Variants in OPA1 observed in about 807,000 individuals in gnomAD.
The protein encoded by OPA1 is dynamin-like GTPase OPA1, mitochondrial.
In OPA1, 59 loss-of-function variants were observed where a neutral mutation model predicts 152.9. That is an observed-to-expected ratio of 0.39 (90% CI 0.31 to 0.48). The LOEUF (loss-of-function observed/expected upper bound fraction) is 0.48. Among genes scored for constraint, OPA1 ranks in the 20% least tolerant of loss-of-function variants. OPA1 has a pLI of 0.96. For synonymous variants in OPA1, 400 were observed against 389.9 expected (o/e 1.03, Z -0.31); for missense variants, 1,008 against 1,216.8 (o/e 0.83, Z 2.55).
At chr3:193,601,402 A>T (rs1382093409) in intron 1 of OPA1, among the ~76,000 whole-genome samples, 1 of 152,194 alleles carries the variant, frequency 6.6e-6, no homozygotes, top group Admixed American at 6.5e-5. Context: ...CAAGAACCAA[A>T]CCAACCAAGG....
intron 29 of OPA1, among the ~76,000 whole-genome samples, chr3:193,683,094 G>A (rs1720415350): frequency 6.6e-6 from 1 of 152,138 alleles, no homozygotes; most frequent in Admixed American, 6.5e-5. Flanking sequence ...CAGTTTGGAA[G>A]AAGTTGATTC....
intron 29 of OPA1, among the ~76,000 whole-genome samples, chr3:193,684,156 A>T (rs1720596125): frequency 6.6e-6 from 1 of 152,170 alleles, no homozygotes; most frequent in African/African-American, 2.4e-5. Context: ...TCTAATGGCT[A>T]CACATAATCA....
At chr3:193,679,912 G>A (rs898533877) in intron 29 of OPA1, among the ~76,000 whole-genome samples, 1 of 152,188 alleles carries the variant, frequency 6.6e-6, no homozygotes, top group Non-Finnish European at 1.5e-5. Context: ...TAGTTTAGAA[G>A]TTATTTTTAT....
chr3:193,599,365 G>T (rs1445888474), intron 1 of OPA1, among the ~76,000 whole-genome samples: 1 of 150,454 alleles, frequency 6.6e-6, no homozygotes, highest in Non-Finnish European at 1.5e-5. Flanking sequence ...CCCTTTCATT[G>T]TCTCAGCTCT....
At chr3:193,596,642 A>G (rs1204331234) in intron 1 of OPA1, among the ~76,000 whole-genome samples, 1 of 152,156 alleles carries the variant, frequency 6.6e-6, no homozygotes, top group African/African-American at 2.4e-5. Flanking sequence ...TCTTAAAGAC[A>G]TGTTTAATTC....
chr3:193,626,342 T>G, intron 7 of OPA1, 140 bp downstream of exon 7: 4 of 672,214 alleles, frequency 6.0e-6, no homozygotes, highest in Non-Finnish European at 2.7e-6. Context: ...AGATGCATCA[T>G]ATAAATATGT....
rs765605983 is a variant in OPA1, at chr3:193,666,352, C to A, written c.2835C>A (p.Thr945=). 1.2e-5 allele frequency: 20 copies of A among 1,613,936 alleles called. No homozygotes were observed. Among genetic ancestry groups the A allele is most frequent in the African/African-American group, 2.7e-5 (2 of 74,904 alleles). ...GTATACAGCGCATGCTTGCTATCAC[C>A]GCAAATACTTTAAGGCAACAACTTA... ...FWRIQRMLAI[T]ANTLRQQLTN... Residue 945 remains threonine, a synonymous_variant, in exon 28 of 31, where the codon ACC becomes ACA. Transcript: ENST00000361510.
At chr3:193,599,748 A>G (rs1726176307) in intron 1 of OPA1, among the ~76,000 whole-genome samples, 1 of 152,246 alleles carries the variant, frequency 6.6e-6, no homozygotes, top group African/African-American at 2.4e-5. Flanking sequence ...ACTTCAGACA[A>G]GTTAAATTTG....
chr3:193,625,275 G>C (rs1459333495), intron 6 of OPA1, among the ~76,000 whole-genome samples: 2 of 151,930 alleles, frequency 1.3e-5, no homozygotes, highest in Non-Finnish European at 2.9e-5. Context: ...GTGATTTTTT[G>C]TGCATAGGTC....
intron 11 of OPA1, among the ~76,000 whole-genome samples, chr3:193,639,281 A>G (rs1733402188): frequency 1.3e-5 from 2 of 152,246 alleles, no homozygotes; most frequent in Non-Finnish European, 2.9e-5. Flanking sequence ...AGGGAGACAG[A>G]TAATAGATAA....
intron 25 of OPA1, among the ~76,000 whole-genome samples, chr3:193,661,316 G>A (rs1307497128): frequency 1.3e-5 from 2 of 152,140 alleles, no homozygotes; most frequent in African/African-American, 2.4e-5. Context: ...GAAGGGAGGG[G>A]CATCTGAATC....
intron 22 of OPA1, among the ~76,000 whole-genome samples, chr3:193,656,369 G>A (rs1713819729): frequency 6.6e-6 from 1 of 152,146 alleles, no homozygotes; most frequent in Admixed American, 6.5e-5. Flanking sequence ...TAAAATGAGA[G>A]AGGGCTAAAA....
chr3:193,632,130 ATTACT>A (rs1390740000), intron 8 of OPA1, among the ~76,000 whole-genome samples: 1 of 152,224 alleles, frequency 6.6e-6, no homozygotes, highest in Admixed American at 6.5e-5. Flanking sequence ...TGATAAAATT[ATTACT>A]TTAAGGACCT....
intron 9 of OPA1, among the ~76,000 whole-genome samples, chr3:193,635,812 A>C (rs1158849265): frequency 6.6e-6 from 1 of 152,196 alleles, no homozygotes; most frequent in African/African-American, 2.4e-5. Flanking sequence ...TAACTTTTAC[A>C]TAAAATTTTA....
intron 29 of OPA1, among the ~76,000 whole-genome samples, chr3:193,691,199 C>T (rs780333402): frequency 2.0e-5 from 3 of 152,106 alleles, no homozygotes; most frequent in African/African-American, 7.2e-5. Context: ...CCAACCTGGG[C>T]GACAGAGTAG....
chr3:193,597,915 A>G (rs1462959372), intron 1 of OPA1, among the ~76,000 whole-genome samples: 4 of 151,968 alleles, frequency 2.6e-5, no homozygotes, highest in Non-Finnish European at 5.9e-5. Flanking sequence ...TGTCTCTACT[A>G]AAATTCAAAA....
chr3:193,653,553 T>A (rs1713052178), intron 21 of OPA1, among the ~76,000 whole-genome samples: 2 of 152,204 alleles, frequency 1.3e-5, no homozygotes, highest in Admixed American at 6.5e-5. Flanking sequence ...TTGAAATAGT[T>A]GTATTTTTTT....
chr3:193,663,171 A>G (rs1030773565), intron 26 of OPA1, among the ~76,000 whole-genome samples: 1 of 152,160 alleles, frequency 6.6e-6, no homozygotes, highest in African/African-American at 2.4e-5. Context: ...TAATGCTTTA[A>G]TTTGTAAATG....
intron 29 of OPA1, among the ~76,000 whole-genome samples, chr3:193,671,913 G>A (rs1718011585): frequency 6.6e-6 from 1 of 152,182 alleles, no homozygotes; most frequent in Non-Finnish European, 1.5e-5. Flanking sequence ...ATATGCAGCT[G>A]ATTTTTCTAC....
Sources: gnomAD v4.1 joint callset for allele counts (sites outside exome capture counted in the v4.1 genomes callset) on GRCh38, gnomAD v4.1.1 for gene constraint, MANE v1.5 for transcripts, NCBI Gene and HGNC (gene_info 2026-07-23, HGNC 2026-07-21) for gene names.